Variants in ZSCAN20 observed in about 807,000 individuals in gnomAD.
ZSCAN20 encodes zinc finger and SCAN domain containing 20.
In ZSCAN20, 39 loss-of-function variants were observed where a neutral mutation model predicts 97.1. The ratio of observed to expected loss-of-function variants is 0.40; its 90% confidence interval spans 0.31 to 0.52. ZSCAN20 has a LOEUF of 0.52. Among genes scored for constraint, ZSCAN20 ranks in the 20% least tolerant of loss-of-function variants. The pLI, the probability that ZSCAN20 is intolerant of heterozygous loss-of-function variation, is 0.49. For synonymous variants in ZSCAN20, 456 were observed against 467.3 expected, an observed-to-expected ratio of 0.98 and a Z score of 0.31; for missense variants, 1,115 against 1,290.4, an observed-to-expected ratio of 0.86 and a Z score of 2.08.
intron 1 of ZSCAN20, among the ~76,000 whole-genome samples, chr1:33,474,059 C>G (rs1214847035): frequency 6.6e-6 from 1 of 152,194 alleles, no homozygotes; most frequent in Non-Finnish European, 1.5e-5. Flanking sequence ...GATTCATTGC[C>G]AATGGGAGTT....
intron 1 of ZSCAN20, 148 bp from the exon 2 acceptor site, chr1:33,479,031 A>AT: frequency 2.6e-6 from 1 of 383,196 alleles, no homozygotes; most frequent in Non-Finnish European, 4.6e-6. Flanking sequence ...TTGGTGCCAG[A>AT]TTGTGGCCTT....
chr1:33,473,238 T>TTACC (rs1465426978), intron 1 of ZSCAN20, among the ~76,000 whole-genome samples: 5 of 152,122 alleles, frequency 3.3e-5, no homozygotes, highest in Non-Finnish European at 7.4e-5. Context: ...ATCATCCCAT[T>TTACC]TACCTACCTA....
rs1253432674 is a variant in ZSCAN20, at chr1:33,496,352, A to T, written c.*876A>T. On this transcript the variant is annotated 3_prime_UTR_variant, in exon 8 of 8. Coordinates refer to ENST00000684572, the MANE Select transcript of ZSCAN20 (RefSeq NM_001377376.1). Reference sequence around the variant, plus strand: ...TTTTGAATTTTTTAAACAAATATGGAAACTGAGAATCCCTAAGGATTAAAG... The same window carrying T: ...TTTTGAATTTTTTAAACAAATATGGTAACTGAGAATCCCTAAGGATTAAAG... The T allele has an allele frequency of 6.6e-6, 1 of 152,246 alleles. No individual in the cohort carries two copies. Among genetic ancestry groups the T allele is most frequent in the African/African-American group, 2.4e-5 (1 of 41,472 alleles). 9.4% of individuals were successfully genotyped at this position (152,246 alleles called of 1,614,324 possible). A position where few individuals can be genotyped will look rare whatever the true frequency, so the allele number is the denominator to read the frequency against.
intron 2 of ZSCAN20, among the ~76,000 whole-genome samples, chr1:33,484,000 G>GTTGGTATATAGGAACAACAAA (rs1652255069): frequency 6.6e-6 from 1 of 151,978 alleles, no homozygotes; most frequent in African/African-American, 2.4e-5. Context: ...AATTCTACTT[G>GTTGGTATATAGGAACAACAAA]TTCATTGTTG....
chr1:33,489,681 T>C, intron 5 of ZSCAN20, 79 bp downstream of exon 5: 2 of 1,331,762 alleles, frequency 1.5e-6, no homozygotes, highest in South Asian at 2.4e-5. Flanking sequence ...TTGCCGCTCC[T>C]TTAAGAATCA....
At position 33,482,307 on chromosome 1, in the gene ZSCAN20, A is replaced by G. The variant is rs185608909; in HGVS notation, c.417+2602A>G. Among the ~76,000 whole-genome samples, 264 of 152,308 alleles carry G rather than the reference A, an allele frequency of 1.7e-3. 1 individual carries two copies. Among genetic ancestry groups the G allele is most frequent in the African/African-American group, 3.5e-3 (146 of 41,560 alleles). ...TTTTGCCTTTTAAAAAATGTTACAT[A>G]GTTGGAATCATACAGTATATAGCCC... On this transcript the variant is annotated intron_variant, in intron 2 of 7. Coordinates refer to ENST00000684572, the MANE Select transcript of ZSCAN20 (RefSeq NM_001377376.1).
chr1:33,491,261 C>T lies in ZSCAN20; in HGVS notation c.1003C>T (p.Leu335=). 2 of 1,614,168 alleles carry T rather than the reference C, an allele frequency of 1.2e-6. No homozygotes were observed. Among genetic ancestry groups the T allele is most frequent in the Non-Finnish European group, 8.5e-7 (1 of 1,180,034 alleles). The change falls in exon 6 of 8, where the codon CTG becomes TTG. Residue 335 remains leucine, a synonymous_variant. Coordinates refer to ENST00000684572, the MANE Select transcript of ZSCAN20 (RefSeq NM_001377376.1). This position sits in a 1 kb window ranked among gnomAD's most constrained non-coding sequence, Gnocchi z 4.3. ...GGGCTATGAGGAGACCAAGACTTTC[C>T]TGGCAATTTTGAGTGAATCTCCTTT... ...HWGYEETKTF[L]AILSESPFSE...
chr1:33,483,215 C>G (rs1327770180), intron 2 of ZSCAN20, among the ~76,000 whole-genome samples: 1 of 147,882 alleles, frequency 6.8e-6, no homozygotes, highest in Admixed American at 6.7e-5. Context: ...GGTCTGTGAT[C>G]CATTTTGAGT....
chr1:33,492,173 T>C (rs9662260), intron 6 of ZSCAN20: 117,473 of 152,894 alleles, frequency 0.77, 45,479 homozygotes, highest in African/African-American at 0.82. Context: ...CTGGGAAACA[T>C]CCAATCATTG....
chr1:33,475,141 A>G (rs563545947), intron 1 of ZSCAN20, among the ~76,000 whole-genome samples: 2 of 152,346 alleles, frequency 1.3e-5, no homozygotes, highest in African/African-American at 4.8e-5. Flanking sequence ...GATGACTAGC[A>G]CACATAGAGG....
In ZSCAN20 at chr1:33,476,986, T is replaced by C. The variant is rs546350870; in HGVS notation, c.-110-2193T>C. ...GGTTGAGCACTGTGGATACAGAAAT[T>C]AGTAACATACAATACTGATTCTAGT... On this transcript the variant is annotated intron_variant, in intron 1 of 7. Transcript: ENST00000684572. Among the ~76,000 whole-genome samples the C allele has an allele frequency of 5.9e-5, 9 of 152,316 alleles. No homozygotes were observed. The South Asian group carries it at 1.5e-3, about 25-fold the overall frequency.
At position 33,489,502 on chromosome 1, in the gene ZSCAN20, C is replaced by A; in HGVS notation, c.682-16C>A. The A allele has an allele frequency of 6.2e-7, 1 of 1,613,882 alleles. No individual in the cohort carries two copies. The highest frequency in any genetic ancestry group is 8.5e-7 in the Non-Finnish European group (1 of 1,179,854). On this transcript the variant is annotated splice_polypyrimidine_tract_variant and intron_variant, in intron 4 of 7. Transcript: ENST00000684572. ...GGTCAGTGATGTTTGGGGTCCTTGT[C>A]TTGTGCATCTCGCAGGAAGCCCTGG...
At chr1:33,474,305 C>T (rs1332769511) in intron 1 of ZSCAN20, among the ~76,000 whole-genome samples, 1 of 152,230 alleles carries the variant, frequency 6.6e-6, no homozygotes, top group East Asian at 1.9e-4. Flanking sequence ...TGCTTTAAGC[C>T]ATAGCTTGGA....
chr1:33,477,975 C>T (rs749319610), intron 1 of ZSCAN20, among the ~76,000 whole-genome samples: 4 of 151,932 alleles, frequency 2.6e-5, no homozygotes, highest in African/African-American at 4.8e-5. Context: ...AGGGAGGAGA[C>T]CATTCCCAAA....
At chr1:33,481,655 C>G (rs1307619149) in intron 2 of ZSCAN20, among the ~76,000 whole-genome samples, 1 of 152,024 alleles carries the variant, frequency 6.6e-6, no homozygotes, top group Non-Finnish European at 1.5e-5. Flanking sequence ...TTTTTCAAGT[C>G]TTAATAATGG....
At chr1:33,474,467 C>T (rs192730874) in intron 1 of ZSCAN20, among the ~76,000 whole-genome samples, 1 of 152,310 alleles carries the variant, frequency 6.6e-6, no homozygotes, top group East Asian at 1.9e-4. Context: ...TTCATACTTA[C>T]TGCCCTAGGA....
chr1:33,491,286 T>G lies in ZSCAN20; in HGVS notation c.1028T>G (p.Phe343Cys). ...CTGGCAATTTTGAGTGAATCTCCTTTCTCTGAAAAGCTCCGGACTTGTCAC... is the reference window on the plus strand; with the variant it reads ...CTGGCAATTTTGAGTGAATCTCCTTGCTCTGAAAAGCTCCGGACTTGTCAC... ...TFLAILSESP[F>C]SEKLRTCHQN... The change falls in exon 6 of 8, where the codon TTC becomes TGC. Residue 343 changes from phenylalanine to cysteine, a missense_variant. Physicochemically the swap from Phe to Cys is radical, Grantham distance 205. This residue lies in a region of ZSCAN20 where 508 missense variants were observed against 611.2 expected (regional missense o/e 0.83). Transcript: ENST00000684572. The surrounding 1 kb of genome is among the most constrained non-coding windows in gnomAD (Gnocchi z 4.3). The G allele has an allele frequency of 6.2e-7, 1 of 1,614,154 alleles. No individual in the cohort carries two copies. Among genetic ancestry groups the G allele is most frequent in the Non-Finnish European group, 8.5e-7 (1 of 1,180,030 alleles).
intron 2 of ZSCAN20, among the ~76,000 whole-genome samples, chr1:33,485,947 C>G (rs1427964411): frequency 6.6e-6 from 1 of 152,164 alleles, no homozygotes; most frequent in African/African-American, 2.4e-5. Flanking sequence ...CAGTGCTTCT[C>G]AATTTTTTCC....
Position 33,494,998 on chromosome 1 carries a change from C to G in ZSCAN20, c.2654C>G (p.Ser885Cys). Residue 885 changes from serine to cysteine, a missense_variant, in exon 8 of 8, where the codon TCT becomes TGT. This residue lies in a region of ZSCAN20 where 554 missense variants were observed against 584.9 expected (regional missense o/e 0.95). Transcript: ENST00000684572. ...TGTTCTGAATGTGGAAGAAGCTTCT[C>G]TAAGAGCTCTGCCCTCATTAGTCAC... ...YECSECGRSF[S>C]KSSALISHQR... is the part of the protein sequence containing the mutation. The G allele has an allele frequency of 6.2e-7, 1 of 1,614,050 alleles. No homozygotes were observed. Among genetic ancestry groups the G allele is most frequent in the Non-Finnish European group, 8.5e-7 (1 of 1,179,990 alleles).
Sources: gnomAD v4.1 joint callset for allele counts (sites outside exome capture counted in the v4.1 genomes callset) on GRCh38, gnomAD v4.1.1 for gene constraint, gnomAD v4.1.1 regional missense constraint, Gnocchi (gnomAD v3.1) non-coding constraint, MANE v1.5 for transcripts, NCBI Gene and HGNC (gene_info 2026-07-23, HGNC 2026-07-21) for gene names.